The following SEL1L2 variants were observed in gnomAD, a reference collection of about 807,000 sequenced individuals.
The protein encoded by SEL1L2 is SEL1L2 adaptor subunit of SYVN1 ubiquitin ligase.
In SEL1L2, 89 loss-of-function variants were observed where a neutral mutation model predicts 98.8. That is an observed-to-expected ratio of 0.90 (90% CI 0.76 to 1.07). The LOEUF is 1.07. Among genes scored for constraint, SEL1L2 ranks in the 50% least tolerant of loss-of-function variants. The pLI is 0.00. For synonymous variants in SEL1L2, 262 were observed against 278.5 expected (o/e 0.94, Z 0.59); for missense variants, 788 against 812.0 (o/e 0.97, Z 0.36).
At chr20:13,870,653 T>C (rs1288625893) in intron 12 of SEL1L2, among the ~76,000 whole-genome samples, 1 of 152,132 alleles carries the variant, frequency 6.6e-6, no homozygotes, top group Admixed American at 6.5e-5. Flanking sequence ...CCGGGCATGG[T>C]GGCCCATGCC....
chr20:13,925,175 T>C (rs980201555), intron 3 of SEL1L2, among the ~76,000 whole-genome samples: 3 of 152,176 alleles, frequency 2.0e-5, no homozygotes, highest in Non-Finnish European at 4.4e-5. Context: ...ATGCCTTTTA[T>C]TGTGTGTGTG....
intron 5 of SEL1L2, among the ~76,000 whole-genome samples, chr20:13,901,118 T>TG (rs1199208013): frequency 4.7e-5 from 7 of 148,778 alleles, no homozygotes; most frequent in Non-Finnish European, 8.9e-5. Flanking sequence ...TCCTCCAGGC[T>TG]GGAGTGCAGT....
Position 13,865,211 on chromosome 20 carries a change from A to T in SEL1L2, c.1601T>A (p.Met534Lys). Residue 534 changes from methionine (M) to lysine (K), a missense_variant, in exon 17 of 20, where the codon ATG becomes AAG. Transcript: ENST00000284951. ...KKANILEKEK[M>K]YPMALLLWNR... ...CCATAGGAGAAGCGCCATTGGATAC[A>T]TCTTCTCTTTTTCAAGAATGTTAGC... 6.2e-7 allele frequency: 1 copy of T among 1,613,816 alleles called. No individual in the cohort carries two copies. Among genetic ancestry groups the T allele is most frequent in the Non-Finnish European group, 8.5e-7 (1 of 1,179,770 alleles).
intron 3 of SEL1L2, among the ~76,000 whole-genome samples, chr20:13,929,667 A>AT (rs771157382): frequency 1.1e-3 from 165 of 149,580 alleles, no homozygotes; most frequent in Admixed American, 2.7e-3. Flanking sequence ...CACCCTGCTA[A>AT]TTTTTTGTAT....
At chr20:13,870,092 A>G in intron 13 of SEL1L2, 49 bp downstream of exon 13, 1 of 1,326,798 alleles carries the variant, frequency 7.5e-7, no homozygotes. Flanking sequence ...CATGAATTTT[A>G]CCCTGTAAAT....
At chr20:13,900,862 C>T (rs79508026) in intron 5 of SEL1L2, among the ~76,000 whole-genome samples, 3,049 of 152,196 alleles carry the variant, frequency 0.02, 48 homozygotes, top group Non-Finnish European at 0.03. Flanking sequence ...CCAAATGCAC[C>T]TATTATATGA....
At chr20:13,859,694 G>GTTGT (rs773828561) in intron 17 of SEL1L2, among the ~76,000 whole-genome samples, 22 of 152,186 alleles carry the variant, frequency 1.4e-4, no homozygotes, top group South Asian at 1.2e-3. Context: ...TGTTGTTGTT[G>GTTGT]TTGTTTGTTT....
chr20:13,973,200 T>G (rs1569068285), intron 1 of SEL1L2: 1 of 152,238 alleles, frequency 6.6e-6, no homozygotes, highest in East Asian at 1.9e-4. Context: ...ATATTTCATT[T>G]CTAAAATATC....
At chr20:13,930,135 T>G (rs2049078655) in intron 3 of SEL1L2, among the ~76,000 whole-genome samples, 2 of 151,950 alleles carry the variant, frequency 1.3e-5, no homozygotes, top group South Asian at 4.1e-4. Context: ...CTCTGTGCCT[T>G]GGGACTCTAA....
intron 8 of SEL1L2, among the ~76,000 whole-genome samples, chr20:13,886,995 C>A (rs2046985889): frequency 1.3e-5 from 2 of 152,018 alleles, no homozygotes; most frequent in African/African-American, 4.8e-5. Flanking sequence ...AGATCTTGAC[C>A]AAAAAGACTC....
At chr20:13,933,490 C>T (rs532442669) in intron 2 of SEL1L2, among the ~76,000 whole-genome samples, 53 of 152,282 alleles carry the variant, frequency 3.5e-4, no homozygotes, top group Non-Finnish European at 6.8e-4. Flanking sequence ...TTCTCTATTG[C>T]GGACATTCAT....
chr20:13,918,882 C>A, intron 4 of SEL1L2, 139 bp downstream of exon 4: 1 of 609,138 alleles, frequency 1.6e-6, no homozygotes, highest in Non-Finnish European at 2.9e-6. Flanking sequence ...ACAATTTGAT[C>A]CTTTTAAAAA....
In SEL1L2 at chr20:13,913,497, T is replaced by C. The variant is rs573882957; in HGVS notation, c.549+285A>G. ...AAGGAATTACATTTAGCTTATAAAA[T>C]ATTTGAAAAGTAAAAATCATGCAAA... On this transcript the variant is annotated intron_variant, in intron 5 of 19. Transcript: ENST00000284951. 30 of 248,420 alleles carry C rather than the reference T, an allele frequency of 1.2e-4. No homozygotes were observed. In the East Asian group the frequency reaches 2.0e-3, roughly 17 times the overall value. The allele number at this position is 248,420 out of a possible 1,614,324, so 15.4% of individuals were successfully genotyped here. A position where few individuals can be genotyped will look rare whatever the true frequency, so the allele number is the denominator to read the frequency against.
rs529668076 is a variant in SEL1L2 at position 13,887,826 on chromosome 20, T to C, written c.688A>G (p.Asn230Asp). The C allele has an allele frequency of 2.3e-4, 378 of 1,613,538 alleles. 8 individuals carry two copies. In the South Asian group the frequency reaches 3.9e-3, roughly 17 times the overall value. ...ILGYRYLSGINVLQNCEVALS... is the reference protein window; with the variant it reads ...ILGYRYLSGIDVLQNCEVALS... ...GCAACTTCACAATTCTGTAGAACATTGATTCCCGACAAATATCTGTACCCC... is the reference window on the plus strand; with the variant it reads ...GCAACTTCACAATTCTGTAGAACATCGATTCCCGACAAATATCTGTACCCC... The change falls in exon 8 of 20, where the codon AAT (asparagine) becomes GAT (aspartate). Residue 230 changes from asparagine to aspartate, a missense_variant. Transcript: ENST00000284951.
Position 13,956,094 on chromosome 20 carries a change from T to C in SEL1L2, c.96A>G (p.Glu32=). 6.4e-7 allele frequency: 1 copy of C among 1,568,506 alleles called. No individual in the cohort carries two copies. Among genetic ancestry groups the C allele is most frequent in the Non-Finnish European group, 8.7e-7 (1 of 1,152,124 alleles). ...KAEEHNKRQK[E]RNVTTQVSVN... is the part of the protein sequence containing the mutation. ...TATTTACCTGTGTGGTGACATTTCT[T>C]TCCTTTTGTCTTTTATTATGTTCCT... The change falls in exon 2 of 20, where the codon GAA becomes GAG. Residue 32 remains glutamate (E), a synonymous_variant. Coordinates refer to ENST00000284951, the MANE Select transcript of SEL1L2 (RefSeq NM_025229.2).
At chr20:13,877,373 G>A (rs1006708973) in intron 11 of SEL1L2, 147 bp downstream of exon 11, 10 of 550,470 alleles carry the variant, frequency 1.8e-5, no homozygotes, top group African/African-American at 7.7e-5. Context: ...GGGTCTTGCC[G>A]TGTTGCCCAG....
At chr20:13,917,738 T>C (rs1437805955) in intron 4 of SEL1L2, among the ~76,000 whole-genome samples, 1 of 151,162 alleles carries the variant, frequency 6.6e-6, no homozygotes, top group Non-Finnish European at 1.5e-5. Flanking sequence ...ACAAGAGATG[T>C]CTCCTTGTTG....
chr20:13,883,414 G>A lies in SEL1L2; in HGVS notation c.957+1933C>T, dbSNP rs2046806238. ...TTTGTTTTGGCCTGGGTCAAATAAA[G>A]TTTAATGTAAAAAGCTCAGGTTTTG... is the stretch of plus-strand genomic sequence containing the variant. On this transcript the variant is annotated intron_variant, in intron 10 of 19. Transcript: ENST00000284951. Among the ~76,000 whole-genome samples, 4 of 152,246 alleles carry A rather than the reference G, an allele frequency of 2.6e-5. No individual in the cohort carries two copies. In the South Asian group the frequency reaches 8.3e-4, roughly 32 times the overall value.
intron 1 of SEL1L2, among the ~76,000 whole-genome samples, chr20:13,967,045 C>T (rs1351211678): frequency 6.6e-6 from 1 of 151,976 alleles, no homozygotes; most frequent in Non-Finnish European, 1.5e-5. Flanking sequence ...CCATGCCCAG[C>T]TAATTTTTGT....
Sources: allele counts gnomAD v4.1 joint callset (sites outside exome capture counted in the v4.1 genomes callset), GRCh38; gene constraint gnomAD v4.1.1; transcripts MANE v1.5; gene names NCBI Gene and HGNC (gene_info 2026-07-23, HGNC 2026-07-21).